Variants in TMEM117 observed in about 807,000 individuals in gnomAD.
TMEM117 encodes transmembrane protein 117.
In TMEM117, 27 loss-of-function variants were observed where a neutral mutation model predicts 52.4. The observed-to-expected ratio is 0.51, with a 90% CI of 0.38 to 0.71. The LOEUF is 0.71. Among genes scored for constraint, TMEM117 ranks in the 30% least tolerant of loss-of-function variants. TMEM117 has a pLI of 0.00. For synonymous variants in TMEM117, 215 were observed against 206.3 expected (o/e 1.04, Z -0.36); for missense variants, 556 against 630.5 (o/e 0.88, Z 1.26).
chr12:43,977,592 A>G (rs10785490), intron 3 of TMEM117, among the ~76,000 whole-genome samples: 150,684 of 152,278 alleles, frequency 0.99, 74,573 homozygotes, highest in Middle Eastern at 1. Flanking sequence ...AAAAAATTAA[A>G]GGTAAATAAG....
intron 2 of TMEM117, among the ~76,000 whole-genome samples, chr12:43,912,257 A>C (rs1592356797): frequency 7.0e-6 from 1 of 141,958 alleles, no homozygotes; most frequent in African/African-American, 2.5e-5. Flanking sequence ...ACAAAAAACC[A>C]AACACTGCAT....
At chr12:44,224,891 A>G (rs1478978427) in intron 5 of TMEM117, among the ~76,000 whole-genome samples, 1 of 152,014 alleles carries the variant, frequency 6.6e-6, no homozygotes, top group Non-Finnish European at 1.5e-5. Context: ...CTCTCTTCCC[A>G]ACCTCCCCAA....
chr12:43,866,073 T>A (rs1332070618), intron 2 of TMEM117, among the ~76,000 whole-genome samples: 1 of 151,812 alleles, frequency 6.6e-6, no homozygotes, highest in Non-Finnish European at 1.5e-5. Context: ...TCATACTTTG[T>A]TCATGGGCAA....
chr12:43,946,180 C>G (rs577205331), intron 3 of TMEM117, among the ~76,000 whole-genome samples: 5 of 152,100 alleles, frequency 3.3e-5, no homozygotes, highest in Non-Finnish European at 7.3e-5. Context: ...GCCTGTAATA[C>G]TAGAATGGGT....
intron 6 of TMEM117, among the ~76,000 whole-genome samples, chr12:44,306,697 T>C (rs1950907822): frequency 1.3e-5 from 2 of 152,248 alleles, no homozygotes; most frequent in South Asian, 4.1e-4. Context: ...ATAAATATTT[T>C]GCTTTGTGAA....
chr12:44,365,911 G>T (rs1468793963), intron 6 of TMEM117, among the ~76,000 whole-genome samples: 2 of 152,004 alleles, frequency 1.3e-5, no homozygotes, highest in East Asian at 3.9e-4. Flanking sequence ...GCTACTGATT[G>T]AATTTCATCT....
chr12:44,108,640 A>G (rs2138099902), intron 3 of TMEM117, among the ~76,000 whole-genome samples: 1 of 73,034 alleles, frequency 1.4e-5, no homozygotes, highest in South Asian at 5.7e-4. Context: ...AGTCTTTGCT[A>G]TTGTGAATAG....
chr12:44,254,998 T>A (rs1474650762), intron 5 of TMEM117, among the ~76,000 whole-genome samples: 1 of 152,194 alleles, frequency 6.6e-6, no homozygotes, highest in African/African-American at 2.4e-5. Flanking sequence ...TGTTCATATT[T>A]TATGGCTGCA....
chr12:44,090,354 G>C (rs1415285969), intron 3 of TMEM117, among the ~76,000 whole-genome samples: 1 of 151,164 alleles, frequency 6.6e-6, no homozygotes, highest in Non-Finnish European at 1.5e-5. Flanking sequence ...AGGGTTTATT[G>C]TTCCTGTCTT....
At chr12:43,894,117 A>G (rs539391244) in intron 2 of TMEM117, among the ~76,000 whole-genome samples, 3 of 152,338 alleles carry the variant, frequency 2.0e-5, no homozygotes, top group African/African-American at 7.2e-5. Flanking sequence ...GCCAGCTCAG[A>G]TTCAAGAGTG....
chr12:43,906,301 A>G (rs1228787278), intron 2 of TMEM117, among the ~76,000 whole-genome samples: 1 of 152,016 alleles, frequency 6.6e-6, no homozygotes, highest in Non-Finnish European at 1.5e-5. Context: ...CATCTCTACT[A>G]AAAATACAAA....
chr12:44,034,930 C>G (rs1032901202), intron 3 of TMEM117, among the ~76,000 whole-genome samples: 8 of 152,130 alleles, frequency 5.3e-5, no homozygotes, highest in Admixed American at 5.2e-4. Flanking sequence ...CTGAATAGAA[C>G]AAAATGGAGA....
intron 4 of TMEM117, among the ~76,000 whole-genome samples, chr12:44,200,247 T>A (rs1565583468): frequency 6.6e-6 from 1 of 152,226 alleles, no homozygotes. Context: ...ATAAACCCAA[T>A]GTTTAGTTTA....
At chr12:44,215,546 G>A (rs570142882) in intron 5 of TMEM117, among the ~76,000 whole-genome samples, 13 of 152,208 alleles carry the variant, frequency 8.5e-5, no homozygotes, top group South Asian at 2.1e-4. Flanking sequence ...TTTCAGAGGC[G>A]TTACCAACAA....
At chr12:44,063,232 T>G (rs894141401) in intron 3 of TMEM117, among the ~76,000 whole-genome samples, 9 of 152,200 alleles carry the variant, frequency 5.9e-5, no homozygotes, top group Admixed American at 5.2e-4. Flanking sequence ...ATTATTTCTG[T>G]TTTGAAGCTA....
intron 3 of TMEM117, among the ~76,000 whole-genome samples, chr12:44,039,941 T>A (rs889521401): frequency 3.3e-5 from 5 of 152,162 alleles, no homozygotes; most frequent in African/African-American, 1.2e-4. Context: ...TTTTAAATAA[T>A]TTTTTTCCAT....
chr12:43,845,460 C>CAAAAA (rs10677136), intron 2 of TMEM117, among the ~76,000 whole-genome samples: 2 of 37,944 alleles, frequency 5.3e-5, no homozygotes, highest in African/African-American at 1.0e-4. Flanking sequence ...GACTCCATCT[C>CAAAAA]AAAAAAAAAA....
chr12:44,351,434 G>A (rs1391697079), intron 6 of TMEM117, among the ~76,000 whole-genome samples: 1 of 151,864 alleles, frequency 6.6e-6, no homozygotes, highest in Non-Finnish European at 1.5e-5. Flanking sequence ...ATTTTTCTCA[G>A]ACCAATGTCT....
At chr12:44,044,446 C>T (rs1407842405) in intron 3 of TMEM117, among the ~76,000 whole-genome samples, 1 of 152,200 alleles carries the variant, frequency 6.6e-6, no homozygotes, top group East Asian at 1.9e-4. Flanking sequence ...CTTTCTGACC[C>T]ATCCTGCCAT....
Sources: allele counts gnomAD v4.1 joint callset (sites outside exome capture counted in the v4.1 genomes callset), GRCh38; gene constraint gnomAD v4.1.1; transcripts MANE v1.5; gene names NCBI Gene and HGNC (gene_info 2026-07-23, HGNC 2026-07-21).